Variants in PARP8 observed in about 807,000 individuals in gnomAD.
The protein encoded by PARP8 is poly(ADP-ribose) polymerase family member 8.
Under a neutral mutation model 124.1 loss-of-function variants are expected in PARP8, and 51 were observed. The observed-to-expected ratio is 0.41, with a 90% CI of 0.33 to 0.52. PARP8 has a LOEUF of 0.52. Among genes scored for constraint, PARP8 ranks in the 20% least tolerant of loss-of-function variants. The pLI, the probability that PARP8 is intolerant of heterozygous loss-of-function variation, is 0.21. For synonymous variants in PARP8, 391 were observed against 361.5 expected, an observed-to-expected ratio of 1.08 and a Z score of -0.93; for missense variants, 860 against 1,018.9, an observed-to-expected ratio of 0.84 and a Z score of 2.12.
intron 9 of PARP8, among the ~76,000 whole-genome samples, chr5:50,780,740 T>A (rs1433834129): frequency 6.6e-6 from 1 of 152,206 alleles, no homozygotes; most frequent in African/African-American, 2.4e-5. Flanking sequence ...TCATACCTGA[T>A]AATGACTTTT....
intron 18 of PARP8, 152 bp downstream of exon 18, chr5:50,825,127 C>A: frequency 1.6e-6 from 1 of 644,366 alleles, no homozygotes; most frequent in Non-Finnish European, 2.7e-6. Context: ...GATTTTACAA[C>A]CTTAGAGTCC....
intron 15 of PARP8, among the ~76,000 whole-genome samples, chr5:50,820,450 A>G (rs1439726296): frequency 6.6e-6 from 1 of 152,176 alleles, no homozygotes; most frequent in Non-Finnish European, 1.5e-5. Context: ...TGGCAAGGGG[A>G]GCCATGCTAT....
chr5:50,786,723 G>A (rs373995380), intron 9 of PARP8, among the ~76,000 whole-genome samples: 4 of 151,966 alleles, frequency 2.6e-5, no homozygotes, highest in African/African-American at 7.3e-5. Flanking sequence ...TCTTCCATCC[G>A]CTTGGCCATT....
chr5:50,822,227 C>A, intron 16 of PARP8, 108 bp from the exon 17 acceptor site: 2 of 791,922 alleles, frequency 2.5e-6, no homozygotes, highest in Middle Eastern at 6.4e-4. Flanking sequence ...CAAATTGACC[C>A]CAGTGGAAAA....
chr5:50,812,220 A>G (rs1278255345), intron 14 of PARP8, among the ~76,000 whole-genome samples: 1 of 152,126 alleles, frequency 6.6e-6, no homozygotes, highest in Non-Finnish European at 1.5e-5. Flanking sequence ...CAGAGTAAAA[A>G]CATTCCAGTT....
At chr5:50,833,679 T>TA (rs1399186110) in intron 23 of PARP8, among the ~76,000 whole-genome samples, 1 of 152,152 alleles carries the variant, frequency 6.6e-6, no homozygotes, top group African/African-American at 2.4e-5. Flanking sequence ...TACCTTGAAA[T>TA]AAAGAGGCCA....
intron 18 of PARP8, among the ~76,000 whole-genome samples, chr5:50,826,347 A>G (rs1021794165): frequency 2.6e-5 from 4 of 152,118 alleles, no homozygotes; most frequent in Admixed American, 6.6e-5. Flanking sequence ...AAAAATCTTC[A>G]TAAGAACTTA....
chr5:50,833,843 A>C, intron 23 of PARP8, 136 bp from the exon 24 acceptor site: 1 of 597,772 alleles, frequency 1.7e-6, no homozygotes, highest in Non-Finnish European at 3.0e-6. Flanking sequence ...AGTGCAAGGA[A>C]ATTGATGCTA....
intron 16 of PARP8, 68 bp from the exon 17 acceptor site, chr5:50,822,267 G>GTATA: frequency 9.6e-7 from 1 of 1,042,904 alleles, no homozygotes; most frequent in Non-Finnish European, 1.5e-6. Context: ...TATTTCTCTA[G>GTATA]TGATATACAG....
chr5:50,667,742 G>C, intron 1 of PARP8: 1 of 706,700 alleles, frequency 1.4e-6, no homozygotes, highest in East Asian at 2.7e-5. Flanking sequence ...CCCTGCCTGG[G>C]GGTCGCCTTT....
At chr5:50,789,141 T>G (rs1254835680) in intron 10 of PARP8, among the ~76,000 whole-genome samples, 5 of 152,216 alleles carry the variant, frequency 3.3e-5, no homozygotes, top group Non-Finnish European at 7.3e-5. Context: ...TTGCCATTCC[T>G]ACCGCTTTGA....
At chr5:50,777,368 A>C (rs1740150396) in intron 7 of PARP8, among the ~76,000 whole-genome samples, 2 of 152,046 alleles carry the variant, frequency 1.3e-5, no homozygotes. Flanking sequence ...AGCATTTGTA[A>C]CTTCAGAATT....
intron 2 of PARP8, among the ~76,000 whole-genome samples, chr5:50,674,727 ATTAAT>A (rs1208308257): frequency 1.1e-4 from 17 of 152,162 alleles, no homozygotes; most frequent in Non-Finnish European, 1.8e-4. Flanking sequence ...AACAGTTTGT[ATTAAT>A]TTAGTGTAAA....
chr5:50,725,521 T>C (rs1256115939), intron 2 of PARP8, among the ~76,000 whole-genome samples: 1 of 152,142 alleles, frequency 6.6e-6, no homozygotes. Context: ...TGGCTAAATA[T>C]TGCTCCCTAA....
chr5:50,707,658 AG>A (rs1754298003), intron 2 of PARP8, among the ~76,000 whole-genome samples: 5 of 151,556 alleles, frequency 3.3e-5, no homozygotes, highest in African/African-American at 1.2e-4. Context: ...AGAGAGAGAG[AG>A]AGAGAAAATG....
chr5:50,703,716 AC>A (rs1753828507), intron 2 of PARP8, among the ~76,000 whole-genome samples: 1 of 151,920 alleles, frequency 6.6e-6, no homozygotes, highest in African/African-American at 2.4e-5. Flanking sequence ...TCGTTTTCCA[AC>A]CTGGGCAATG....
intron 10 of PARP8, among the ~76,000 whole-genome samples, chr5:50,790,883 T>A (rs1741877394): frequency 6.6e-6 from 1 of 152,164 alleles, no homozygotes; most frequent in South Asian, 2.1e-4. Context: ...TATTTTATGA[T>A]CCTTGAGAAA....
At position 50,818,588 on chromosome 5, in the gene PARP8, G is replaced by A. The variant is rs578007853; in HGVS notation, c.1669-2625G>A. Among the ~76,000 whole-genome samples the A allele has an allele frequency of 1.7e-4, 26 of 151,682 alleles. No individual in the cohort carries two copies. The South Asian group carries it at 5.0e-3, about 29-fold the overall frequency. ...GAGACAAGGTCTCACTGTGTTGTCC[G>A]GGCTGGTCTTGAACTCCTGGGCTCA... is the stretch of plus-strand genomic sequence containing the variant. On this transcript the variant is annotated intron_variant, in intron 15 of 25. Transcript: ENST00000281631.
intron 14 of PARP8, among the ~76,000 whole-genome samples, chr5:50,813,332 G>A (rs948440534): frequency 2.0e-5 from 3 of 152,078 alleles, no homozygotes; most frequent in African/African-American, 4.8e-5. Context: ...TGGATTCCTA[G>A]GTATTTTATT....
Sources: allele counts gnomAD v4.1 joint callset (sites outside exome capture counted in the v4.1 genomes callset), GRCh38; gene constraint gnomAD v4.1.1; transcripts MANE v1.5; gene names NCBI Gene and HGNC (gene_info 2026-07-23, HGNC 2026-07-21).